The following PIGS variants were observed in gnomAD, a reference collection of about 807,000 sequenced individuals.
PIGS encodes phosphatidylinositol glycan anchor biosynthesis class S, also known as GPI-anchor transamidase component PIGS.
A neutral mutation model predicts 58.2 loss-of-function variants in PIGS; 37 were observed. The observed-to-expected ratio is 0.64, with a 90% confidence interval of 0.49 to 0.84. The LOEUF (loss-of-function observed/expected upper bound fraction) is 0.84. Ranked by LOEUF, PIGS falls within the 40% of genes least tolerant of loss-of-function variation. The pLI is 0.00. For synonymous variants in PIGS, 269 were observed against 289.2 expected (o/e 0.93, Z 0.71); for missense variants, 629 against 710.8 (o/e 0.88, Z 1.31).
chr17:28,567,241 C>T (rs369234789), intron 3 of PIGS, among the ~76,000 whole-genome samples: 3 of 152,068 alleles, frequency 2.0e-5, no homozygotes, highest in South Asian at 4.1e-4. Context: ...ATAGGAAGTA[C>T]ACTGCACCAC....
chr17:28,567,455 A>G (rs2070400672), intron 3 of PIGS, among the ~76,000 whole-genome samples: 1 of 150,748 alleles, frequency 6.6e-6, no homozygotes, highest in Admixed American at 6.6e-5. Flanking sequence ...AAAGAAATGT[A>G]TGGGGGTAGG....
chr17:28,554,067 T>G lies in PIGS; in HGVS notation c.*153A>C, dbSNP rs145833716. The G allele has an allele frequency of 1.3e-3, 1,288 of 961,210 alleles. 10 individuals are homozygous for G. In the African/African-American group the frequency reaches 0.019, roughly 14 times the overall value. 59.5% of individuals were successfully genotyped at this position (961,210 alleles called of 1,614,324 possible). On this transcript the variant is annotated 3_prime_UTR_variant, in exon 12 of 12. Transcript: ENST00000308360. ...GAAAGGAAGAAAAGATGAACCCATCTTGGAGTGTTGTACTTTGGTTGCTGG... is the reference window on the plus strand; with the variant it reads ...GAAAGGAAGAAAAGATGAACCCATCGTGGAGTGTTGTACTTTGGTTGCTGG...
At position 28,558,600 on chromosome 17, in the gene PIGS, A is replaced by T; in HGVS notation, c.820-10T>A. On this transcript the variant is annotated splice_polypyrimidine_tract_variant and intron_variant, in intron 7 of 11. Transcript: ENST00000308360. ...TTGCATAGTAAAGAATCTGTAGAGC[A>T]AACAGGGAGTGGTTACTTTGTTTAG... The T allele has an allele frequency of 6.3e-7, 1 of 1,587,266 alleles. No individual in the cohort carries two copies. Among genetic ancestry groups the T allele is most frequent in the East Asian group, 2.2e-5 (1 of 44,650 alleles).
At position 28,554,797 on chromosome 17, in the gene PIGS, C is replaced by T. The variant is rs1263152402; in HGVS notation, c.1392+54G>A. 4.6e-5 allele frequency: 74 copies of T among 1,597,424 alleles called. No homozygotes were observed. The South Asian group carries it at 7.2e-4, about 16-fold the overall frequency. Reference sequence around the variant, plus strand: ...GCTCTCTGGTCTCACCACACTCTGGCCCTCTCTGGCTACTCCAGTCCCAAG... The same window carrying T: ...GCTCTCTGGTCTCACCACACTCTGGTCCTCTCTGGCTACTCCAGTCCCAAG... On this transcript the variant is annotated intron_variant, in intron 11 of 11. Coordinates refer to ENST00000308360, the MANE Select transcript of PIGS (RefSeq NM_033198.4).
chr17:28,555,741 C>T (rs1388256873), intron 10 of PIGS: 2 of 184,046 alleles, frequency 1.1e-5, no homozygotes, highest in East Asian at 1.6e-4. Flanking sequence ...GAGGCCTAAG[C>T]GGGTGGATCA....
chr17:28,556,320 T>C, intron 9 of PIGS, 54 bp from the exon 10 acceptor site: 1 of 1,324,402 alleles, frequency 7.6e-7, no homozygotes, highest in Non-Finnish European at 1.1e-6. Flanking sequence ...TGCACAGCTC[T>C]GCCCTAGGCA....
chr17:28,565,863 CTACTAAAAT>C lies in PIGS; in HGVS notation c.287-1965_287-1957del, dbSNP rs2070391144. Among the ~76,000 whole-genome samples the C allele has an allele frequency of 2.0e-5, 3 of 152,228 alleles. No homozygotes were observed. In the South Asian group the frequency reaches 6.2e-4, roughly 32 times the overall value. Reference sequence around the variant, plus strand: ...TGGCCACCATGGTGAAACCCCGTTTCTACTAAAATTACAAAAATTAGCCAGGCATGGTGT... The same window carrying C: ...TGGCCACCATGGTGAAACCCCGTTTCTACAAAAATTAGCCAGGCATGGTGT... On this transcript the variant is annotated intron_variant, in intron 3 of 11. Coordinates refer to ENST00000308360, the MANE Select transcript of PIGS (RefSeq NM_033198.4).
intron 10 of PIGS, chr17:28,555,312 T>TAAAAAAAAAA: frequency 2.1e-6 from 1 of 481,040 alleles, no homozygotes. Flanking sequence ...TCTTGTTTTT[T>TAAAAAAAAAA]AAAAAAAGGT....
At position 28,571,466 on chromosome 17, in the gene PIGS, G is replaced by A; in HGVS notation, c.31C>T (p.Leu11=). 1.2e-6 allele frequency: 2 copies of A among 1,610,336 alleles called. No homozygotes were observed. The highest frequency in any genetic ancestry group is 1.7e-4 in the Middle Eastern group (1 of 6,056). The change falls in exon 1 of 12, where the codon CTA becomes TTA. Residue 11 remains leucine, a synonymous_variant. Coordinates refer to ENST00000308360, the MANE Select transcript of PIGS (RefSeq NM_033198.4). ...CCCCACCCGAAGCCCACCGCACCTA[G>A]GTGTGTAGCCGCAGCCCCGGCGGCC... The part of the protein sequence containing the change: MAAAGAAATH[L]EVARGKRAAL...
intron 5 of PIGS, among the ~76,000 whole-genome samples, chr17:28,562,090 A>G (rs1457366057): frequency 6.6e-6 from 1 of 152,262 alleles, no homozygotes; most frequent in African/African-American, 2.4e-5. Flanking sequence ...AATGATACAT[A>G]GATTCAACTA....
At position 28,554,191 on chromosome 17, in the gene PIGS, G is replaced by A. The variant is rs1250356078; in HGVS notation, c.*29C>T. ...AACACCGCCCACCTTGGCCAGAAAG[G>A]AAGGCTTCCTATGGAGGTGCTGCCC... On this transcript the variant is annotated 3_prime_UTR_variant, in exon 12 of 12. Transcript: ENST00000308360. 4.4e-6 allele frequency: 7 copies of A among 1,608,652 alleles called. No individual in the cohort carries two copies. The Admixed American group carries it at 1.2e-4, about 27-fold the overall frequency.
chr17:28,567,958 A>T, intron 3 of PIGS, among the ~76,000 whole-genome samples: 1 of 152,120 alleles, frequency 6.6e-6, no homozygotes, highest in East Asian at 1.9e-4. Flanking sequence ...TTAGGTATTT[A>T]CTCGAATGTC....
chr17:28,569,097 CAAA>C (rs564819903), intron 3 of PIGS, among the ~76,000 whole-genome samples: 7 of 52,332 alleles, frequency 1.3e-4, no homozygotes, highest in African/African-American at 2.9e-4. Context: ...AACTCCATCT[CAAA>C]AAAAAAAAAA....
At chr17:28,556,779 C>T (rs1281823323) in intron 9 of PIGS, 48 bp downstream of exon 9, 1 of 1,578,146 alleles carries the variant, frequency 6.3e-7, no homozygotes. Context: ...GGGACACCTG[C>T]CTGTCCCAGA....
At chr17:28,562,273 A>C (rs1424730948) in intron 5 of PIGS, among the ~76,000 whole-genome samples, 1 of 152,268 alleles carries the variant, frequency 6.6e-6, no homozygotes, top group Non-Finnish European at 1.5e-5. Context: ...AAAAGCAAGA[A>C]AATTACAAAC....
chr17:28,556,022 G>T, intron 10 of PIGS, 144 bp downstream of exon 10: 1 of 677,108 alleles, frequency 1.5e-6, no homozygotes, highest in South Asian at 1.8e-5. Context: ...GAAGGATGAT[G>T]GGATCCTTAG....
chr17:28,565,954 C>G (rs1201872480), intron 3 of PIGS, among the ~76,000 whole-genome samples: 5 of 152,072 alleles, frequency 3.3e-5, no homozygotes, highest in Non-Finnish European at 5.9e-5. Flanking sequence ...TCACTTGAAC[C>G]CGGGAGGCGG....
At chr17:28,569,949 C>T (rs1237029388) in intron 3 of PIGS, among the ~76,000 whole-genome samples, 1 of 152,200 alleles carries the variant, frequency 6.6e-6, no homozygotes. Context: ...AATTCTCTCC[C>T]TCCTTTTCCC....
chr17:28,556,660 G>T, intron 9 of PIGS, 167 bp downstream of exon 9: 1 of 877,662 alleles, frequency 1.1e-6, no homozygotes, highest in Non-Finnish European at 1.7e-6. Flanking sequence ...AGTGGGGCCG[G>T]CAGAAGAGGG....
Sources: gnomAD v4.1 joint callset for allele counts (sites outside exome capture counted in the v4.1 genomes callset) on GRCh38, gnomAD v4.1.1 for gene constraint, MANE v1.5 for transcripts, NCBI Gene and HGNC (gene_info 2026-07-23, HGNC 2026-07-21) for gene names.